Variants in HHIP observed in about 807,000 individuals in gnomAD.
HHIP encodes the protein hedgehog-interacting protein.
In HHIP, 12 loss-of-function variants were observed where a neutral mutation model predicts 74.0. The ratio of observed to expected loss-of-function variants is 0.16; its 90% CI spans 0.10 to 0.26. The LOEUF is 0.26. Ranked by LOEUF, HHIP falls within the 10% of genes least tolerant of loss-of-function variation. The probability of loss-of-function intolerance (pLI) is 1.00; values close to 1 mark genes in which losing one functional copy is unlikely to be tolerated. For missense variants in HHIP, 788 were observed against 845.0 expected (o/e 0.93, Z 0.84); for synonymous variants, 309 against 311.6 (o/e 0.99, Z 0.09).
intron 5 of HHIP, 65 bp downstream of exon 5, chr4:144,706,747 G>T (rs1230190699): frequency 1.5e-5 from 22 of 1,467,892 alleles, no homozygotes; most frequent in Non-Finnish European, 1.9e-5. Flanking sequence ...CTTTTCATAA[G>T]TTTTTTTATT....
At position 144,716,854 on chromosome 4, in the gene HHIP, GAAAAAAAAAAAAAAAAAAAAAA is replaced by G. The variant is rs869028218; in HGVS notation, c.1678+1437_1678+1458del. 1.3e-4 allele frequency among the ~76,000 whole-genome samples: 7 copies of G among 54,658 alleles called. 1 individual carries two copies. In the South Asian group the frequency reaches 3.8e-3, roughly 30 times the overall value. 35.9% of individuals were successfully genotyped at this position (54,658 alleles called of 152,430 possible). On this transcript the variant is annotated intron_variant, in intron 10 of 12. Coordinates refer to ENST00000296575, the MANE Select transcript of HHIP (RefSeq NM_022475.3). ...ACATGAGCAAAACTCCGTCTCAAAA[GAAAAAAAAAAAAAAAAAAAAAA>G]AAAAAAAAAAAAGTAAAAGAATGGT...
Position 144,741,399 on chromosome 4 carries a change from T to TC in HHIP, c.*3442_*3443insC, listed in dbSNP as rs1209351721. Reference sequence around the variant, plus strand: ...TTTTTTGGTTTCTTTTTTTTTTTTTTTGAGACGGAGCCTTGCTATGTTGCC... The same window carrying TC: ...TTTTTTGGTTTCTTTTTTTTTTTTTTCTGAGACGGAGCCTTGCTATGTTGCC... On this transcript the variant is annotated 3_prime_UTR_variant, in exon 13 of 13. Coordinates refer to ENST00000296575, the MANE Select transcript of HHIP (RefSeq NM_022475.3). 2 of 149,782 alleles carry TC rather than the reference T, an allele frequency of 1.3e-5. No homozygotes were observed. Among genetic ancestry groups the TC allele is most frequent in the African/African-American group, 4.9e-5 (2 of 40,704 alleles). 9.3% of individuals were successfully genotyped at this position (149,782 alleles called of 1,614,324 possible). A position where few individuals can be genotyped will look rare whatever the true frequency, so the allele number is the denominator to read the frequency against.
intron 4 of HHIP, among the ~76,000 whole-genome samples, chr4:144,667,678 C>T (rs1316402585): frequency 1.3e-5 from 2 of 152,124 alleles, no homozygotes; most frequent in East Asian, 1.9e-4. Context: ...AGCAGCTGAC[C>T]CATAAGAACT....
At chr4:144,660,048 C>T (rs981089758) in intron 4 of HHIP, 29 of 551,280 alleles carry the variant, frequency 5.3e-5, no homozygotes, top group Non-Finnish European at 8.3e-5. Flanking sequence ...GCGCTGCAAT[C>T]GAATTGATAT....
At chr4:144,649,589 G>A (rs552283833) in intron 1 of HHIP, among the ~76,000 whole-genome samples, 1 of 152,256 alleles carries the variant, frequency 6.6e-6, no homozygotes, top group African/African-American at 2.4e-5. Flanking sequence ...AATACAGCAT[G>A]CTAAAAGGAT....
At chr4:144,693,080 G>A (rs921172450) in intron 4 of HHIP, among the ~76,000 whole-genome samples, 3 of 152,154 alleles carry the variant, frequency 2.0e-5, no homozygotes, top group Admixed American at 6.6e-5. Flanking sequence ...GAGGATAAAT[G>A]TTCATAACGT....
In HHIP at chr4:144,744,699, C is replaced by T. The variant is rs914276114; in HGVS notation, c.*6742C>T. The T allele has an allele frequency of 2.0e-5, 3 of 152,162 alleles. No homozygotes were observed. The allele number at this position is 152,162 out of a possible 1,614,324, so 9.4% of individuals were successfully genotyped here. On this transcript the variant is annotated 3_prime_UTR_variant, in exon 13 of 13. Transcript: ENST00000296575. Reference sequence around the variant, plus strand: ...AATCTTCTATTATTCAATCATCTATCCATTTATTAATTCAACAAATATTTA... The same window carrying T: ...AATCTTCTATTATTCAATCATCTATTCATTTATTAATTCAACAAATATTTA...
chr4:144,688,456 G>A (rs1382982060), intron 4 of HHIP, among the ~76,000 whole-genome samples: 3 of 152,116 alleles, frequency 2.0e-5, no homozygotes, highest in Admixed American at 6.5e-5. Context: ...AAGTGTTGGG[G>A]AAAAGGCACA....
chr4:144,722,837 C>G (rs1424674300), intron 11 of HHIP, among the ~76,000 whole-genome samples: 3 of 151,738 alleles, frequency 2.0e-5, no homozygotes, highest in African/African-American at 7.3e-5. Context: ...GCCTGGGCAA[C>G]AGGGTGAGAC....
chr4:144,737,035 C>T (rs1045687936), intron 12 of HHIP, among the ~76,000 whole-genome samples: 1 of 152,142 alleles, frequency 6.6e-6, no homozygotes, highest in Non-Finnish European at 1.5e-5. Context: ...AATTTATATA[C>T]CCAATTTTAT....
chr4:144,712,213 A>G, intron 8 of HHIP, 142 bp downstream of exon 8: 1 of 692,880 alleles, frequency 1.4e-6, no homozygotes, highest in Non-Finnish European at 2.4e-6. Flanking sequence ...GCAGGAGTAA[A>G]TTGCTCACTT....
intron 4 of HHIP, 128 bp downstream of exon 4, chr4:144,659,966 C>T (rs1250262393): frequency 3.0e-6 from 2 of 671,902 alleles, no homozygotes; most frequent in Non-Finnish European, 5.1e-6. Flanking sequence ...AAGGGGGCAA[C>T]ATAAGAAACA....
chr4:144,738,399 A>C lies in HHIP; in HGVS notation c.*442A>C, dbSNP rs200748146. ...AAAAAAAAGGCAATATTTTTATATT[A>C]AAGTACTATACTAGGAGAGAATGTT... On this transcript the variant is annotated 3_prime_UTR_variant, in exon 13 of 13. Coordinates refer to ENST00000296575, the MANE Select transcript of HHIP (RefSeq NM_022475.3). 503 of 963,122 alleles carry C rather than the reference A, an allele frequency of 5.2e-4. 1 individual carries two copies. The highest frequency in any genetic ancestry group is 5.9e-4 in the Non-Finnish European group (477 of 809,394). The allele number at this position is 963,122 out of a possible 1,614,324, so 59.7% of individuals were successfully genotyped here. A position where few individuals can be genotyped will look rare whatever the true frequency, so the allele number is the denominator to read the frequency against.
Position 144,699,182 on chromosome 4 carries a change from C to G in HHIP, c.832-7349C>G, listed in dbSNP as rs1578707451. ...CACAAATGGGATGCCCATGCTACCACATTTCTGCCGAGCAGGCTACAAATT... is the reference window on the plus strand; with the variant it reads ...CACAAATGGGATGCCCATGCTACCAGATTTCTGCCGAGCAGGCTACAAATT... On this transcript the variant is annotated intron_variant, in intron 4 of 12. Transcript: ENST00000296575. 2.6e-5 allele frequency among the ~76,000 whole-genome samples: 4 copies of G among 152,332 alleles called. No individual in the cohort carries two copies. The Middle Eastern group carries it at 0.014, about 518-fold the overall frequency.
chr4:144,673,544 C>T (rs573324987), intron 4 of HHIP, among the ~76,000 whole-genome samples: 5 of 151,886 alleles, frequency 3.3e-5, no homozygotes, highest in African/African-American at 1.2e-4. Context: ...AGGAAATGCA[C>T]ATTTAAAGGG....
chr4:144,654,279 A>T (rs887859452), intron 2 of HHIP, among the ~76,000 whole-genome samples: 7 of 152,204 alleles, frequency 4.6e-5, no homozygotes, highest in Non-Finnish European at 8.8e-5. Context: ...CTCGCTCCCC[A>T]GATCAACATA....
chr4:144,734,102 T>C (rs1170828331), intron 11 of HHIP, among the ~76,000 whole-genome samples: 3 of 151,814 alleles, frequency 2.0e-5, no homozygotes, highest in African/African-American at 7.2e-5. Flanking sequence ...TTCACATATA[T>C]ATGGATCTTT....
chr4:144,683,787 T>G (rs943234336), intron 4 of HHIP, among the ~76,000 whole-genome samples: 4 of 152,170 alleles, frequency 2.6e-5, no homozygotes, highest in African/African-American at 9.7e-5. Flanking sequence ...GCCAGAGAGA[T>G]TCCATGGCCC....
intron 2 of HHIP, among the ~76,000 whole-genome samples, chr4:144,653,627 C>G (rs1242654497): frequency 6.6e-6 from 1 of 152,082 alleles, no homozygotes; most frequent in African/African-American, 2.4e-5. Flanking sequence ...AAGTCGCACA[C>G]AAATCTACTG....
Sources: allele counts gnomAD v4.1 joint callset (sites outside exome capture counted in the v4.1 genomes callset), GRCh38; gene constraint gnomAD v4.1.1; transcripts MANE v1.5; gene names NCBI Gene and HGNC (gene_info 2026-07-23, HGNC 2026-07-21).